Variants in SUMF1 observed in about 807,000 individuals in gnomAD.
SUMF1 encodes the protein sulfatase modifying factor 1, also known as formylglycine-generating enzyme.
Under a neutral mutation model 47.6 loss-of-function variants are expected in SUMF1, and 48 were observed. That is an observed-to-expected ratio of 1.01 (90% CI 0.80 to 1.28). The LOEUF is 1.28. SUMF1 is among the 50% of genes most tolerant of loss of function. SUMF1 has a pLI of 0.00. For synonymous variants in SUMF1, 230 were observed against 192.1 expected (o/e 1.20, Z -1.63); for missense variants, 571 against 485.4 (o/e 1.18, Z -1.66).
rs375329720 is a variant in SUMF1 at position 4,463,139 on chromosome 3, TAG to T, written c.270+3835_270+3836del. On this transcript the variant is annotated intron_variant, in intron 1 of 8. Coordinates refer to ENST00000272902, the MANE Select transcript of SUMF1 (RefSeq NM_182760.4). ...AAATGTATAAGGCACGTGGGGGATA[TAG>T]AGATTAAAACATCTAAAAATGCTTC... is the stretch of plus-strand genomic sequence containing the variant. Among the ~76,000 whole-genome samples the T allele has an allele frequency of 7.2e-4, 110 of 152,320 alleles. 1 individual carries two copies. The East Asian group carries it at 0.018, about 25-fold the overall frequency.
At chr3:4,200,389 C>A (rs1695516219) in intron 8 of SUMF1, among the ~76,000 whole-genome samples, 1 of 151,820 alleles carries the variant, frequency 6.6e-6, no homozygotes, top group African/African-American at 2.4e-5. Flanking sequence ...TGCTGGGAGC[C>A]CAGATAAAAC....
intron 8 of SUMF1, among the ~76,000 whole-genome samples, chr3:4,290,686 T>G (rs1011127758): frequency 1.3e-5 from 2 of 152,192 alleles, no homozygotes; most frequent in African/African-American, 4.8e-5. Context: ...TAAATTTCCA[T>G]GCTGCCTTAT....
chr3:4,420,678 G>A (rs1341590963), intron 3 of SUMF1, among the ~76,000 whole-genome samples: 4 of 152,138 alleles, frequency 2.6e-5, no homozygotes, highest in African/African-American at 7.2e-5. Context: ...TTACAGGAGT[G>A]AGCCACCACA....
At chr3:4,172,865 C>A (rs1482838296) in intron 8 of SUMF1, among the ~76,000 whole-genome samples, 1 of 152,130 alleles carries the variant, frequency 6.6e-6, no homozygotes, top group Non-Finnish European at 1.5e-5. Context: ...TAATTAGATC[C>A]CATTTGTCAA....
chr3:4,464,206 T>C (rs1224292846), intron 1 of SUMF1, among the ~76,000 whole-genome samples: 5 of 152,204 alleles, frequency 3.3e-5, no homozygotes, highest in Non-Finnish European at 5.9e-5. Flanking sequence ...CTTCTTGGAA[T>C]GTCCTTGAAT....
intron 8 of SUMF1, among the ~76,000 whole-genome samples, chr3:4,216,792 C>T (rs376218377): frequency 1.4e-4 from 21 of 152,036 alleles, no homozygotes; most frequent in South Asian, 2.1e-4. Context: ...ATCAGAGAAA[C>T]GCAAATCAAA....
chr3:4,284,470 G>A (rs554399836), intron 8 of SUMF1, among the ~76,000 whole-genome samples: 2 of 144,988 alleles, frequency 1.4e-5, no homozygotes. Flanking sequence ...AGGAGGAGGA[G>A]GAGAAGGAGG....
chr3:4,237,928 C>T (rs191082346), intron 8 of SUMF1, among the ~76,000 whole-genome samples: 71 of 152,222 alleles, frequency 4.7e-4, no homozygotes, highest in Middle Eastern at 6.8e-3. Flanking sequence ...TATCCCTCCC[C>T]TAGCCCCACA....
At chr3:4,420,397 A>ATTTTTT (rs35849841) in intron 3 of SUMF1, among the ~76,000 whole-genome samples, 31 of 140,826 alleles carry the variant, frequency 2.2e-4, no homozygotes, top group African/African-American at 3.7e-4. Flanking sequence ...ATCTATAAGA[A>ATTTTTT]TTTTTTTTTT....
chr3:4,303,557 G>T (rs953805325), intron 8 of SUMF1: 11 of 1,340,006 alleles, frequency 8.2e-6, no homozygotes, highest in South Asian at 4.3e-5. Flanking sequence ...CGCGGGAGGC[G>T]GGCGCGCGGC....
chr3:4,128,016 C>T (rs1379667786), intron 8 of SUMF1, among the ~76,000 whole-genome samples: 2 of 151,902 alleles, frequency 1.3e-5, no homozygotes, highest in Admixed American at 6.6e-5. Context: ...ACGTGGAGAA[C>T]CGAGGAACAT....
intron 9 of SUMF1, among the ~76,000 whole-genome samples, chr3:4,066,311 G>C (rs193047559): frequency 1.3e-5 from 2 of 151,956 alleles, no homozygotes; most frequent in African/African-American, 2.4e-5. Context: ...TTCATAAAAC[G>C]ATCTTTTTTC....
chr3:4,297,642 T>A (rs1434246348), intron 8 of SUMF1, among the ~76,000 whole-genome samples: 1 of 146,802 alleles, frequency 6.8e-6, no homozygotes, highest in Non-Finnish European at 1.5e-5. Flanking sequence ...CCTTGAGCCA[T>A]CCTCCATCCT....
intron 8 of SUMF1, among the ~76,000 whole-genome samples, chr3:4,229,509 A>G (rs1010388943): frequency 1.3e-5 from 2 of 152,128 alleles, no homozygotes; most frequent in Admixed American, 6.6e-5. Context: ...CATCTATGAA[A>G]TTACCTTGCT....
rs1695342544 is a variant in SUMF1, at chr3:4,192,569, T to C, written c.1015-123824A>G. Among the ~76,000 whole-genome samples the C allele has an allele frequency of 2.0e-5, 3 of 152,156 alleles. 1 individual carries two copies. The South Asian group carries it at 6.2e-4, about 31-fold the overall frequency. ...TTGTATAATAAAGAATTTGTCTGGT[T>C]TTGTTCCTGGTTCCTAGGAACTTCT... On this transcript the variant is annotated intron_variant and NMD_transcript_variant, in intron 8 of 12. Coordinates refer to the SUMF1 transcript ENST00000448413.
At position 4,166,946 on chromosome 3, in the gene SUMF1, T is replaced by C. The variant is rs547039332; in HGVS notation, c.1015-98201A>G. Among the ~76,000 whole-genome samples, 32 of 152,232 alleles carry C rather than the reference T, an allele frequency of 2.1e-4. No homozygotes were observed. In the East Asian group the frequency reaches 5.8e-3, roughly 28 times the overall value. On this transcript the variant is annotated intron_variant and NMD_transcript_variant, in intron 8 of 12. Transcript: ENST00000448413. ...CATGTGTTTAGTCCAGCGGCTGCAC[T>C]AGTCACTTTTAACTGGCCAACAGGT...
chr3:4,274,064 T>C (rs1255871560), intron 8 of SUMF1, among the ~76,000 whole-genome samples: 1 of 152,008 alleles, frequency 6.6e-6, no homozygotes, highest in Non-Finnish European at 1.5e-5. Flanking sequence ...AGTATGATAG[T>C]TACCTCCCTA....
intron 8 of SUMF1, among the ~76,000 whole-genome samples, chr3:4,218,565 G>T (rs544716866): frequency 1.3e-5 from 2 of 152,112 alleles, no homozygotes; most frequent in Admixed American, 6.5e-5. Context: ...GCCACCTAAG[G>T]TCGCACTAAA....
chr3:4,178,879 C>T (rs1695031234), intron 8 of SUMF1, among the ~76,000 whole-genome samples: 1 of 152,142 alleles, frequency 6.6e-6, no homozygotes, highest in Admixed American at 6.5e-5. Context: ...AAATCACAAG[C>T]ATTCCAGTAA....
Sources: gnomAD v4.1 joint callset for allele counts (sites outside exome capture counted in the v4.1 genomes callset) on GRCh38, gnomAD v4.1.1 for gene constraint, MANE v1.5 for transcripts, NCBI Gene and HGNC (gene_info 2026-07-23, HGNC 2026-07-21) for gene names.